RPH3A: variants seen among roughly 807,000 people sequenced by gnomAD.
RPH3A encodes the protein rabphilin-3A.
RPH3A carries 48 observed loss-of-function variants against 102.2 expected under a neutral mutation model. The ratio of observed to expected loss-of-function variants is 0.47; its 90% CI spans 0.37 to 0.60. The LOEUF is 0.60. Ranked by LOEUF, RPH3A falls within the 20% of genes least tolerant of loss-of-function variation. RPH3A has a pLI of 0.00. For synonymous variants in RPH3A, 310 were observed against 324.3 expected, an observed-to-expected ratio of 0.96 and a Z score of 0.47; for missense variants, 781 against 910.1, an observed-to-expected ratio of 0.86 and a Z score of 1.83.
chr12:112,808,333 C>T (rs765067443), intron 2 of RPH3A, among the ~76,000 whole-genome samples: 13 of 152,236 alleles, frequency 8.5e-5, no homozygotes, highest in Admixed American at 8.5e-4. Flanking sequence ...TCAATATCAA[C>T]ATTACCTCAG....
At chr12:112,742,856 G>T (rs1037250545) in intron 1 of RPH3A, among the ~76,000 whole-genome samples, 1 of 152,116 alleles carries the variant, frequency 6.6e-6, no homozygotes, top group Non-Finnish European at 1.5e-5. Flanking sequence ...TCCAGAATGG[G>T]CCTCAAAGGG....
intron 2 of RPH3A, among the ~76,000 whole-genome samples, chr12:112,799,820 C>G (rs962732407): frequency 2.0e-5 from 3 of 152,148 alleles, no homozygotes; most frequent in African/African-American, 7.2e-5. Context: ...CATCAGAACC[C>G]CTTGCAGGAG....
intron 1 of RPH3A, among the ~76,000 whole-genome samples, chr12:112,591,366 G>A (rs1318163844): frequency 6.6e-6 from 1 of 152,240 alleles, no homozygotes; most frequent in African/African-American, 2.4e-5. Context: ...GATTGCAAGT[G>A]TGTGTGAGCC....
At chr12:112,806,650 AAAG>A (rs1186320596) in intron 2 of RPH3A, among the ~76,000 whole-genome samples, 1 of 152,070 alleles carries the variant, frequency 6.6e-6, no homozygotes, top group African/African-American at 2.4e-5. Context: ...AAAAAACAAA[AAAG>A]AAGGAACTGA....
chr12:112,712,889 T>TTCTTCTTCTTCC (rs2040473818), intron 1 of RPH3A, among the ~76,000 whole-genome samples: 2 of 135,814 alleles, frequency 1.5e-5, no homozygotes, highest in African/African-American at 6.1e-5. Flanking sequence ...TTTCTTCTTC[T>TTCTTCTTCTTCC]TCTTCTTCTT....
chr12:112,645,852 G>T (rs758946817), intron 1 of RPH3A, among the ~76,000 whole-genome samples: 3 of 152,122 alleles, frequency 2.0e-5, no homozygotes, highest in African/African-American at 7.2e-5. Context: ...GCAGACAGCC[G>T]GTAGACAGCC....
intron 1 of RPH3A, among the ~76,000 whole-genome samples, chr12:112,661,051 G>GA (rs1257840611): frequency 1.3e-5 from 2 of 152,238 alleles, no homozygotes; most frequent in East Asian, 3.9e-4. Flanking sequence ...TTCCTTAACT[G>GA]AAAAATAGAG....
At chr12:112,638,059 A>G (rs543603414) in intron 1 of RPH3A, among the ~76,000 whole-genome samples, 1 of 152,162 alleles carries the variant, frequency 6.6e-6, no homozygotes, top group Non-Finnish European at 1.5e-5. Context: ...TGGACCTCTC[A>G]TGAATAGATT....
chr12:112,859,918 A>T (rs1426182685), intron 5 of RPH3A, among the ~76,000 whole-genome samples: 2 of 152,258 alleles, frequency 1.3e-5, no homozygotes, highest in African/African-American at 4.8e-5. Flanking sequence ...ATATCCAGGC[A>T]GAATTAGATC....
At chr12:112,690,653 A>C (rs2040299505) in intron 1 of RPH3A, among the ~76,000 whole-genome samples, 1 of 152,214 alleles carries the variant, frequency 6.6e-6, no homozygotes, top group Non-Finnish European at 1.5e-5. Context: ...CCCACTGGTA[A>C]ATATGGACCA....
chr12:112,881,867 C>T (rs1023421402), intron 15 of RPH3A, 21 bp downstream of exon 15: 1 of 1,598,332 alleles, frequency 6.3e-7, no homozygotes. Context: ...GCCTGGGCTT[C>T]TCTGCAAACC....
At chr12:112,857,561 T>C (rs1386930020) in intron 5 of RPH3A, among the ~76,000 whole-genome samples, 1 of 152,166 alleles carries the variant, frequency 6.6e-6, no homozygotes, top group East Asian at 1.9e-4. Context: ...AGCTGACTTC[T>C]AGAAACTGGA....
intron 1 of RPH3A, among the ~76,000 whole-genome samples, chr12:112,610,783 C>T (rs491825): frequency 0.26 from 40,054 of 151,586 alleles, 6,202 homozygotes; most frequent in Admixed American, 0.33. Context: ...AGGCGCCTGC[C>T]GCCACGCCCA....
At chr12:112,834,191 T>C (rs2042014781) in intron 3 of RPH3A, among the ~76,000 whole-genome samples, 1 of 152,252 alleles carries the variant, frequency 6.6e-6, no homozygotes, top group Non-Finnish European at 1.5e-5. Flanking sequence ...TTGTTTGCAT[T>C]TTCTGGAATT....
chr12:112,723,116 G>A (rs1207742720), intron 1 of RPH3A, among the ~76,000 whole-genome samples: 2 of 152,130 alleles, frequency 1.3e-5, no homozygotes, highest in Admixed American at 1.3e-4. Context: ...ATGTTGGTAT[G>A]TATATACAGT....
chr12:112,727,420 TACATACACACACACAC>T (rs2040599444), intron 1 of RPH3A, among the ~76,000 whole-genome samples: 7 of 130,468 alleles, frequency 5.4e-5, no homozygotes, highest in Non-Finnish European at 6.3e-5. Flanking sequence ...TATATATATA[TACATACACACACACAC>T]ATACATACAC....
rs79790736 is a variant in RPH3A at position 112,607,873 on chromosome 12, G to A, written c.-140+32554G>A. Among the ~76,000 whole-genome samples, 132 of 152,214 alleles carry A rather than the reference G, an allele frequency of 8.7e-4. 2 individuals carry two copies. The highest frequency in any genetic ancestry group is 7.7e-3 in the East Asian group (40 of 5,176). ...CTCGACATGTAGTTCATTTTATGGC[G>A]AACCAGAAGGCAGTTTGCTTTGAAG... On this transcript the variant is annotated intron_variant, in intron 1 of 21. Coordinates refer to the RPH3A transcript ENST00000543106.
intron 1 of RPH3A, among the ~76,000 whole-genome samples, chr12:112,691,030 T>TC: frequency 6.6e-6 from 1 of 151,426 alleles, no homozygotes; most frequent in Non-Finnish European, 1.5e-5. Context: ...ATCATGACCA[T>TC]CTTTTTTTTT....
chr12:112,725,391 G>C (rs1164852557), intron 1 of RPH3A, among the ~76,000 whole-genome samples: 2 of 152,156 alleles, frequency 1.3e-5, no homozygotes, highest in East Asian at 1.9e-4. Context: ...AGGGGAAGAG[G>C]GGAGAAAGGA....
Sources: allele counts gnomAD v4.1 joint callset (sites outside exome capture counted in the v4.1 genomes callset), GRCh38; gene constraint gnomAD v4.1.1; transcripts MANE v1.5; gene names NCBI Gene and HGNC (gene_info 2026-07-23, HGNC 2026-07-21).